NHSL1: variants seen among roughly 807,000 people sequenced by gnomAD.
NHSL1 encodes NHS like 1.
Under a neutral mutation model 95.0 loss-of-function variants are expected in NHSL1, and 48 were observed. The ratio of observed to expected loss-of-function variants is 0.51; its 90% CI spans 0.40 to 0.64. NHSL1 has a LOEUF of 0.64. NHSL1 is among the 30% of genes least tolerant of loss of function. The probability of loss-of-function intolerance (pLI) is 0.00; values close to 1 mark genes in which losing one functional copy is unlikely to be tolerated. For synonymous variants in NHSL1, 783 were observed against 833.9 expected (o/e 0.94, Z 1.05); for missense variants, 1,971 against 2,077.7 (o/e 0.95, Z 1.00).
chr6:138,566,226 C>T (rs1340072237), intron 1 of NHSL1, among the ~76,000 whole-genome samples: 4 of 151,654 alleles, frequency 2.6e-5, no homozygotes, highest in East Asian at 1.9e-4. Context: ...GGTGAAACCC[C>T]GTCTCTACTA....
At chr6:138,580,813 A>G (rs1257925528) in intron 1 of NHSL1, among the ~76,000 whole-genome samples, 1 of 152,276 alleles carries the variant, frequency 6.6e-6, no homozygotes, top group Non-Finnish European at 1.5e-5. Flanking sequence ...GGAAAAAGAT[A>G]CATAGGTATG....
At chr6:138,609,421 T>A (rs1370348407) in intron 1 of NHSL1, among the ~76,000 whole-genome samples, 1 of 152,140 alleles carries the variant, frequency 6.6e-6, no homozygotes, top group African/African-American at 2.4e-5. Context: ...CCATGTGGCC[T>A]TGACCAACTT....
chr6:138,649,501 G>C (rs1227544371), intron 1 of NHSL1, among the ~76,000 whole-genome samples: 1 of 151,230 alleles, frequency 6.6e-6, no homozygotes, highest in Non-Finnish European at 1.5e-5. Flanking sequence ...AGGAGATGGG[G>C]TCAAATCTTA....
intron 1 of NHSL1, among the ~76,000 whole-genome samples, chr6:138,530,477 G>A (rs1165827993): frequency 1.3e-5 from 2 of 152,166 alleles, no homozygotes; most frequent in Non-Finnish European, 2.9e-5. Context: ...ACATGCACAT[G>A]CATGTTTATA....
At chr6:138,441,291 T>C (rs1446860976) in intron 5 of NHSL1, among the ~76,000 whole-genome samples, 1 of 152,128 alleles carries the variant, frequency 6.6e-6, no homozygotes, top group African/African-American at 2.4e-5. Flanking sequence ...ATGGGCCCTA[T>C]TAGAAAACAG....
chr6:138,467,354 G>A (rs575418942), intron 3 of NHSL1, among the ~76,000 whole-genome samples: 15 of 151,944 alleles, frequency 9.9e-5, no homozygotes, highest in Non-Finnish European at 5.9e-5. Flanking sequence ...GGGTTTTGCC[G>A]TGTTAGCCAG....
intron 1 of NHSL1, among the ~76,000 whole-genome samples, chr6:138,514,539 A>G (rs1781379819): frequency 6.6e-6 from 1 of 152,164 alleles, no homozygotes; most frequent in Non-Finnish European, 1.5e-5. Context: ...GAGATTAACA[A>G]TAATAAAACA....
intron 1 of NHSL1, among the ~76,000 whole-genome samples, chr6:138,557,644 C>T (rs1490653698): frequency 6.6e-6 from 1 of 152,198 alleles, no homozygotes; most frequent in African/African-American, 2.4e-5. Context: ...ACAGTGACAC[C>T]AGGGCATTAA....
At chr6:138,638,777 C>T (rs934656378) in intron 1 of NHSL1, among the ~76,000 whole-genome samples, 2 of 152,172 alleles carry the variant, frequency 1.3e-5, no homozygotes, top group African/African-American at 2.4e-5. Context: ...GTCTTCCCAG[C>T]CACTATGGAT....
intron 1 of NHSL1, among the ~76,000 whole-genome samples, chr6:138,621,705 T>G (rs536261626): frequency 6.6e-6 from 1 of 152,256 alleles, no homozygotes; most frequent in East Asian, 1.9e-4. Context: ...CCTGACCTCA[T>G]GATCTGTCCG....
At chr6:138,683,048 C>T (rs1785533902) in intron 1 of NHSL1, among the ~76,000 whole-genome samples, 1 of 152,158 alleles carries the variant, frequency 6.6e-6, no homozygotes, top group Non-Finnish European at 1.5e-5. Context: ...GGGAGCTGAG[C>T]GGCCCTCCAG....
chr6:138,541,996 T>A (rs2128324639), intron 1 of NHSL1, among the ~76,000 whole-genome samples: 2 of 152,304 alleles, frequency 1.3e-5, no homozygotes, highest in South Asian at 4.1e-4. Flanking sequence ...CCTCCCAAAA[T>A]CATGTCCGCT....
At chr6:138,458,653 C>G (rs1009294645) in intron 3 of NHSL1, among the ~76,000 whole-genome samples, 2 of 152,092 alleles carry the variant, frequency 1.3e-5, no homozygotes, top group Admixed American at 1.3e-4. Context: ...TGGTGAAACC[C>G]AGTCTCTACT....
chr6:138,635,042 A>T (rs1365846817), intron 1 of NHSL1, among the ~76,000 whole-genome samples: 1 of 151,954 alleles, frequency 6.6e-6, no homozygotes, highest in Non-Finnish European at 1.5e-5. Context: ...AAGCAGTGCT[A>T]AGAGGAAAGT....
intron 1 of NHSL1, among the ~76,000 whole-genome samples, chr6:138,594,510 A>G (rs1040862401): frequency 1.3e-5 from 2 of 152,016 alleles, no homozygotes; most frequent in East Asian, 1.9e-4. Flanking sequence ...GTCTATTTCA[A>G]TGTTTTTTGA....
chr6:138,627,917 T>C (rs1784764685), intron 1 of NHSL1, among the ~76,000 whole-genome samples: 2 of 152,124 alleles, frequency 1.3e-5, no homozygotes, highest in Admixed American at 6.5e-5. Context: ...AATTTATTTA[T>C]ATGAACTCTA....
intron 1 of NHSL1, among the ~76,000 whole-genome samples, chr6:138,519,885 C>T (rs1562344990): frequency 6.6e-6 from 1 of 152,130 alleles, no homozygotes; most frequent in African/African-American, 2.4e-5. Flanking sequence ...TGAGAGCCAT[C>T]CCTTAAAAAG....
At chr6:138,619,398 T>C (rs545341605) in intron 1 of NHSL1, among the ~76,000 whole-genome samples, 1 of 152,074 alleles carries the variant, frequency 6.6e-6, no homozygotes, top group Non-Finnish European at 1.5e-5. Context: ...CAAGACCTAT[T>C]TATAGGAGCA....
At chr6:138,584,121 G>GTAAA (rs1420038947) in intron 1 of NHSL1, among the ~76,000 whole-genome samples, 1 of 152,070 alleles carries the variant, frequency 6.6e-6, no homozygotes, top group African/African-American at 2.4e-5. Flanking sequence ...TTTATCTCAA[G>GTAAA]TAAATAAATA....
Sources: allele counts gnomAD v4.1 joint callset (sites outside exome capture counted in the v4.1 genomes callset), GRCh38; gene constraint gnomAD v4.1.1; transcripts MANE v1.5; gene names NCBI Gene and HGNC (gene_info 2026-07-23, HGNC 2026-07-21).